Variants in ARID1B observed in about 807,000 individuals in gnomAD.
The protein encoded by ARID1B is AT-rich interaction domain 1B.
Under a neutral mutation model 212.3 loss-of-function variants are expected in ARID1B, and 30 were observed. That is an observed-to-expected ratio of 0.14 (90% CI 0.11 to 0.19). ARID1B has a LOEUF of 0.19. Ranked by LOEUF, ARID1B falls within the 10% of genes least tolerant of loss-of-function variation. The probability of loss-of-function intolerance (pLI) is 1.00; values close to 1 mark genes in which losing one functional copy is unlikely to be tolerated. For synonymous variants in ARID1B, 1,402 were observed against 1,301.7 expected (o/e 1.08, Z -1.66); for missense variants, 2,891 against 3,204.0 (o/e 0.90, Z 2.36).
intron 4 of ARID1B, among the ~76,000 whole-genome samples, chr6:157,082,869 G>A (rs529039644): frequency 6.6e-6 from 1 of 152,208 alleles, no homozygotes; most frequent in Non-Finnish European, 1.5e-5. Flanking sequence ...ATTCTTCTTA[G>A]CAGAAGACAT....
chr6:156,963,553 GTAAC>G (rs1464473065), intron 4 of ARID1B, among the ~76,000 whole-genome samples: 4 of 152,250 alleles, frequency 2.6e-5, no homozygotes, highest in African/African-American at 7.2e-5. Flanking sequence ...AATAGACTGT[GTAAC>G]TAAGTGTTGC....
chr6:157,026,080 A>G (rs1780642382), intron 4 of ARID1B, among the ~76,000 whole-genome samples: 2 of 152,274 alleles, frequency 1.3e-5, no homozygotes, highest in Admixed American at 1.3e-4. Flanking sequence ...ACCCGCCACC[A>G]TGCCTGGCTA....
At chr6:156,779,512 C>T (rs1330810523) in intron 1 of ARID1B, 41 bp downstream of exon 1, 10 of 1,274,760 alleles carry the variant, frequency 7.8e-6, no homozygotes, top group South Asian at 2.2e-5. Context: ...GCCCGGCGGC[C>T]TCGCCGCGCC....
In ARID1B at chr6:157,190,592, C is replaced by T. The variant is rs1323675326; in HGVS notation, c.4231+382C>T. 1.3e-5 allele frequency among the ~76,000 whole-genome samples: 2 copies of T among 152,208 alleles called. No individual in the cohort carries two copies. The highest frequency in any genetic ancestry group is 2.4e-5 in the African/African-American group (1 of 41,442). ...CTCAGAGAAGAGTGGCTGGCAGCCGCGGTAAGTAAGCACGCACTTCACGGC... is the reference window on the plus strand; with the variant it reads ...CTCAGAGAAGAGTGGCTGGCAGCCGTGGTAAGTAAGCACGCACTTCACGGC... On this transcript the variant is annotated intron_variant, in intron 15 of 19. Transcript: ENST00000636930. This position sits in a 1 kb window ranked among gnomAD's most constrained non-coding sequence, Gnocchi z 4.6.
At chr6:156,993,636 T>C (rs927358125) in intron 4 of ARID1B, among the ~76,000 whole-genome samples, 1 of 152,220 alleles carries the variant, frequency 6.6e-6, no homozygotes. Context: ...TACCTAAGGA[T>C]AGTGCCAAAC....
At chr6:156,878,571 T>C (rs1786779655) in intron 2 of ARID1B, among the ~76,000 whole-genome samples, 1 of 152,268 alleles carries the variant, frequency 6.6e-6, no homozygotes, top group African/African-American at 2.4e-5. Context: ...CCAGGGCATG[T>C]GCATCTGATT....
At chr6:157,142,846 A>G (rs1474072426) in intron 7 of ARID1B, among the ~76,000 whole-genome samples, 1 of 151,986 alleles carries the variant, frequency 6.6e-6, no homozygotes, top group Admixed American at 6.6e-5. Flanking sequence ...CTCCTCCATC[A>G]TATAGGGAAT....
Position 157,094,203 on chromosome 6 carries a change from GT to G in ARID1B, c.2491+9300del, listed in dbSNP as rs1785461971. On this transcript the variant is annotated intron_variant, in intron 5 of 19. Coordinates refer to ENST00000636930, the MANE Select transcript of ARID1B (RefSeq NM_001374828.1). The surrounding 1 kb of genome is among the most constrained non-coding windows in gnomAD (Gnocchi z 4.3). ...AACGGAGCAAACTCAAAGGCCCTGA[GT>G]TAGTATTGTGCTTAGTGTGTTGGGC... Among the ~76,000 whole-genome samples, 1 of 152,154 alleles carries G rather than the reference GT, an allele frequency of 6.6e-6. No homozygotes were observed. Among genetic ancestry groups the G allele is most frequent in the Admixed American group, 6.5e-5 (1 of 15,280 alleles).
At chr6:157,164,478 G>A (rs1791181507) in intron 8 of ARID1B, among the ~76,000 whole-genome samples, 1 of 152,176 alleles carries the variant, frequency 6.6e-6, no homozygotes. Flanking sequence ...ATAAACAAGT[G>A]TCTCAAGGAA....
chr6:156,810,535 A>G (rs1294204420), intron 1 of ARID1B, among the ~76,000 whole-genome samples: 2 of 152,236 alleles, frequency 1.3e-5, no homozygotes, highest in Admixed American at 1.3e-4. Context: ...TCTGGTGTCC[A>G]GAAGACACAT....
chr6:156,779,484 C>T lies in ARID1B; in HGVS notation c.1791+13C>T, dbSNP rs912771983. The T allele has an allele frequency of 2.2e-6, 3 of 1,354,334 alleles. No individual in the cohort carries two copies. The African/African-American group carries it at 4.6e-5, about 21-fold the overall frequency. 83.9% of individuals were successfully genotyped at this position (1,354,334 alleles called of 1,614,324 possible). ...GGGCAGATCCCAGGTAACCCTCGCG[C>T]CAGCCGGGCCTGCTTCCGCCCGGCG... On this transcript the variant is annotated intron_variant, in intron 1 of 19. Transcript: ENST00000636930.
chr6:157,137,929 A>G (rs1789050140), intron 7 of ARID1B, among the ~76,000 whole-genome samples: 1 of 152,310 alleles, frequency 6.6e-6, no homozygotes, highest in African/African-American at 2.4e-5. Context: ...AATAAATTAG[A>G]TGCCATCTAG....
intron 7 of ARID1B, among the ~76,000 whole-genome samples, chr6:157,137,476 A>T (rs535410347): frequency 6.6e-6 from 1 of 152,320 alleles, no homozygotes; most frequent in East Asian, 1.9e-4. Context: ...TTTGTATGGG[A>T]AAAAGAGAGC....
chr6:156,920,101 A>C (rs762838108), intron 3 of ARID1B, among the ~76,000 whole-genome samples: 5 of 152,330 alleles, frequency 3.3e-5, no homozygotes, highest in East Asian at 3.9e-4. Context: ...GTGGAAGAAG[A>C]AGCCTGCTCT....
chr6:157,082,232 T>G (rs946104350), intron 4 of ARID1B, among the ~76,000 whole-genome samples: 5 of 152,174 alleles, frequency 3.3e-5, no homozygotes. Flanking sequence ...CTAATTCCTG[T>G]TTTTCCCCCA....
chr6:156,919,404 C>T (rs1790606874), intron 3 of ARID1B, among the ~76,000 whole-genome samples: 1 of 150,848 alleles, frequency 6.6e-6, no homozygotes, highest in South Asian at 2.1e-4. Context: ...CTTTCTAGTA[C>T]CAGAATTAAA....
chr6:157,039,872 C>T (rs1202857979), intron 4 of ARID1B, among the ~76,000 whole-genome samples: 1 of 66,728 alleles, frequency 1.5e-5, no homozygotes, highest in Non-Finnish European at 3.1e-5. Flanking sequence ...CTCTCTTTCT[C>T]TTTCTTTTCT....
chr6:156,897,218 G>GCTGCTGCTGCTTCTTCTTCTTCTTCTT (rs1554264583), intron 2 of ARID1B, among the ~76,000 whole-genome samples: 4 of 91,378 alleles, frequency 4.4e-5, no homozygotes, highest in Non-Finnish European at 8.8e-5. Context: ...TGCTGCTGCT[G>GCTGCTGCTGCTTCTTCTTCTTCTTCTT]CTTCTTCTTC....
rs1280845788 is a variant in ARID1B, at chr6:157,206,208, A to T, written c.5436A>T (p.Lys1812Asn). ...FLELLVEYFR[K>N]CLIDIFGILM... ...AACTTTTAGTCGAGTACTTTAGAAA[A>T]TGCCTGATTGACATTTTTGGAATTC... Residue 1812 changes from lysine to asparagine, a missense_variant, in exon 20 of 20, where the codon AAA becomes AAT. By Grantham distance (94) the Lys-to-Asn change is moderately conservative. This residue lies in a region of ARID1B where 332 missense variants were observed against 369.2 expected (regional missense o/e 0.90). Coordinates refer to ENST00000636930, the MANE Select transcript of ARID1B (RefSeq NM_001374828.1). This position sits in a 1 kb window ranked among gnomAD's most constrained non-coding sequence, Gnocchi z 6.8. The T allele has an allele frequency of 6.2e-7, 1 of 1,614,036 alleles. No homozygotes were observed. The highest frequency in any genetic ancestry group is 1.3e-5 in the African/African-American group (1 of 74,906).
Sources: allele counts gnomAD v4.1 joint callset (sites outside exome capture counted in the v4.1 genomes callset), GRCh38; gene constraint gnomAD v4.1.1; regional missense constraint gnomAD v4.1.1; non-coding constraint Gnocchi (gnomAD v3.1); transcripts MANE v1.5; gene names NCBI Gene and HGNC (gene_info 2026-07-23, HGNC 2026-07-21).